Variants in PIK3C2A observed in about 807,000 individuals in gnomAD.
The protein encoded by PIK3C2A is phosphatidylinositol-4-phosphate 3-kinase catalytic subunit type 2 alpha, also known as phosphatidylinositol 4-phosphate 3-kinase C2 domain-containing subunit alpha.
In PIK3C2A, 97 loss-of-function variants were observed where a neutral mutation model predicts 204.5. The ratio of observed to expected loss-of-function variants is 0.47; its 90% CI spans 0.40 to 0.56. The LOEUF is 0.56. Among genes scored for constraint, PIK3C2A ranks in the 20% least tolerant of loss-of-function variants. PIK3C2A has a pLI of 0.00. For missense variants in PIK3C2A, 1,735 were observed against 1,969.2 expected, an observed-to-expected ratio of 0.88 and a Z score of 2.25; for synonymous variants, 653 against 664.4, an observed-to-expected ratio of 0.98 and a Z score of 0.26.
rs1302068749 is a variant in PIK3C2A at position 17,089,420 on chromosome 11, T to C, written c.*318A>G. ...CCTCCTTATAGAAAACAATGCAAAA[T>C]AGGTGGCTGAACTGACATAGTACTG... On this transcript the variant is annotated 3_prime_UTR_variant, in exon 33 of 33. Coordinates refer to ENST00000691414, the MANE Select transcript of PIK3C2A (RefSeq NM_002645.4). 5.1e-6 allele frequency: 1 copy of C among 197,598 alleles called. No homozygotes were observed. The highest frequency in any genetic ancestry group is 1.0e-5 in the Non-Finnish European group (1 of 98,004). 12.2% of individuals were successfully genotyped at this position (197,598 alleles called of 1,614,324 possible).
chr11:17,128,800 G>A (rs981555316), intron 13 of PIK3C2A, among the ~76,000 whole-genome samples: 1 of 152,254 alleles, frequency 6.6e-6, no homozygotes, highest in East Asian at 1.9e-4. Context: ...ATCCCTAATA[G>A]GGTTTTGCAT....
chr11:17,099,589 G>A (rs1449443333), intron 26 of PIK3C2A, among the ~76,000 whole-genome samples: 1 of 152,134 alleles, frequency 6.6e-6, no homozygotes, highest in Non-Finnish European at 1.5e-5. Context: ...ACATGGCACT[G>A]TAGAAAAATA....
intron 1 of PIK3C2A, chr11:17,194,270 C>T (rs558013820): frequency 2.8e-5 from 9 of 317,276 alleles, no homozygotes; most frequent in African/African-American, 1.3e-4. Context: ...AGCTCAGGTT[C>T]GCAAAGGTGC....
intron 13 of PIK3C2A, among the ~76,000 whole-genome samples, chr11:17,126,087 G>A (rs541884161): frequency 6.6e-6 from 1 of 152,096 alleles, no homozygotes; most frequent in African/African-American, 2.4e-5. Context: ...TCATGCCATT[G>A]CACTCCAACC....
intron 1 of PIK3C2A, among the ~76,000 whole-genome samples, chr11:17,200,530 T>C (rs1280816035): frequency 6.6e-6 from 1 of 152,184 alleles, no homozygotes; most frequent in Non-Finnish European, 1.5e-5. Context: ...CCAATTTATA[T>C]GGCATTTTGG....
intron 1 of PIK3C2A, among the ~76,000 whole-genome samples, chr11:17,180,665 T>C (rs1851517529): frequency 6.6e-6 from 1 of 151,898 alleles, no homozygotes; most frequent in Admixed American, 6.6e-5. Context: ...GTACTAAAAA[T>C]ACAGAAATTA....
chr11:17,166,638 G>C (rs1347678468), intron 2 of PIK3C2A, among the ~76,000 whole-genome samples: 2 of 152,140 alleles, frequency 1.3e-5, no homozygotes. Flanking sequence ...CCAGTGCAAG[G>C]CTTGAGCCTA....
intron 1 of PIK3C2A, among the ~76,000 whole-genome samples, chr11:17,207,077 C>T (rs1185371870): frequency 6.6e-6 from 1 of 152,124 alleles, no homozygotes; most frequent in Non-Finnish European, 1.5e-5. Flanking sequence ...CATTTCCCTC[C>T]TCAATCCCTC....
chr11:17,119,728 C>CAT (rs1849312614), intron 16 of PIK3C2A, 58 bp downstream of exon 16: 2 of 1,048,012 alleles, frequency 1.9e-6, no homozygotes, highest in East Asian at 5.1e-5. Flanking sequence ...CTTCTGGCAA[C>CAT]ATACCTTACT....
At chr11:17,155,721 G>T in intron 2 of PIK3C2A, 92 bp from the exon 3 acceptor site, 1 of 649,684 alleles carries the variant, frequency 1.5e-6, no homozygotes, top group Non-Finnish European at 2.8e-6. Flanking sequence ...ATGAAAATAT[G>T]TACAAAGCAA....
chr11:17,187,396 CACTT>C (rs1430656095), intron 1 of PIK3C2A, among the ~76,000 whole-genome samples: 1 of 152,070 alleles, frequency 6.6e-6, no homozygotes, highest in East Asian at 1.9e-4. Context: ...AGATATAACT[CACTT>C]AATATGAAAT....
At chr11:17,164,430 T>C (rs1226434851) in intron 2 of PIK3C2A, among the ~76,000 whole-genome samples, 2 of 152,042 alleles carry the variant, frequency 1.3e-5, no homozygotes, top group African/African-American at 4.8e-5. Flanking sequence ...ACAAAATTAT[T>C]AGATGGGGTT....
chr11:17,144,447 A>G (rs1850165222), intron 8 of PIK3C2A, among the ~76,000 whole-genome samples: 1 of 152,230 alleles, frequency 6.6e-6, no homozygotes, highest in Non-Finnish European at 1.5e-5. Flanking sequence ...AGCATTCAGC[A>G]TATAGTAAGC....
At chr11:17,186,542 A>C (rs1851757235) in intron 1 of PIK3C2A, among the ~76,000 whole-genome samples, 1 of 152,206 alleles carries the variant, frequency 6.6e-6, no homozygotes, top group African/African-American at 2.4e-5. Context: ...AAGAGATATA[A>C]TAAAGAGATA....
chr11:17,152,988 T>C (rs995481281), intron 3 of PIK3C2A, among the ~76,000 whole-genome samples: 1 of 152,098 alleles, frequency 6.6e-6, no homozygotes, highest in African/African-American at 2.4e-5. Context: ...GATACTAGTA[T>C]AGGATATAAA....
chr11:17,194,272 C>A, intron 1 of PIK3C2A: 1 of 315,908 alleles, frequency 3.2e-6, no homozygotes, highest in Non-Finnish European at 6.0e-6. Context: ...CTCAGGTTCG[C>A]AAAGGTGCTC....
intron 1 of PIK3C2A, among the ~76,000 whole-genome samples, chr11:17,179,125 A>G (rs1851445197): frequency 6.6e-6 from 1 of 152,058 alleles, no homozygotes; most frequent in African/African-American, 2.4e-5. Context: ...TCAGCCTCCC[A>G]AAATGCTGGG....
chr11:17,128,083 G>A (rs1849578047), intron 13 of PIK3C2A, among the ~76,000 whole-genome samples: 1 of 152,066 alleles, frequency 6.6e-6, no homozygotes, highest in African/African-American at 2.4e-5. Context: ...GAGCAGTTGT[G>A]AGAAATATAA....
In PIK3C2A at chr11:17,123,473, C is replaced by T. The variant is rs1428383092; in HGVS notation, c.2400-660G>A. Among the ~76,000 whole-genome samples, 14 of 143,684 alleles carry T rather than the reference C, an allele frequency of 9.7e-5. No homozygotes were observed. The Admixed American group carries it at 1.0e-3, about 10-fold the overall frequency. 94.3% of individuals were successfully genotyped at this position (143,684 alleles called of 152,430 possible). A position where few individuals can be genotyped will look rare whatever the true frequency, so the allele number is the denominator to read the frequency against. ...GGGGTTTCGCCATGTTGCCCAAGCT[C>T]GTCTTGAACTCCTGAGGCTCATATG... On this transcript the variant is annotated intron_variant, in intron 13 of 32. Transcript: ENST00000691414.
Sources: gnomAD v4.1 joint callset for allele counts (sites outside exome capture counted in the v4.1 genomes callset) on GRCh38, gnomAD v4.1.1 for gene constraint, MANE v1.5 for transcripts, NCBI Gene and HGNC (gene_info 2026-07-23, HGNC 2026-07-21) for gene names.